Variants in COX7B2 observed in about 807,000 individuals in gnomAD.
COX7B2 encodes the protein cytochrome c oxidase subunit 7B2, mitochondrial.
For synonymous variants in COX7B2, 37 were observed against 32.1 expected (o/e 1.15, Z -0.51); for missense variants, 109 against 95.9 (o/e 1.14, Z -0.57).
intron 1 of COX7B2, among the ~76,000 whole-genome samples, chr4:46,878,020 T>TACACACACAC (rs58928264): frequency 6.8e-6 from 1 of 147,574 alleles, no homozygotes; most frequent in South Asian, 2.2e-4. Context: ...TTGTAGTGCA[T>TACACACACAC]ACACACACAC....
chr4:46,748,179 A>G (rs577171058), intron 2 of COX7B2, among the ~76,000 whole-genome samples: 4 of 152,340 alleles, frequency 2.6e-5, no homozygotes, highest in Admixed American at 2.6e-4. Context: ...ATCCAGGACC[A>G]GACTTAAGGT....
At chr4:46,884,925 A>T (rs1213962147) in intron 1 of COX7B2, among the ~76,000 whole-genome samples, 1 of 151,254 alleles carries the variant, frequency 6.6e-6, no homozygotes, top group Non-Finnish European at 1.5e-5. Context: ...TGGGGACTGT[A>T]ATATTTTTGT....
At chr4:46,748,504 A>G (rs974228829) in intron 2 of COX7B2, among the ~76,000 whole-genome samples, 6 of 152,160 alleles carry the variant, frequency 3.9e-5, no homozygotes, top group Non-Finnish European at 5.9e-5. Flanking sequence ...GGTTCAGACA[A>G]CTATTCAAAA....
intron 2 of COX7B2, among the ~76,000 whole-genome samples, chr4:46,762,250 T>C (rs1007671128): frequency 7.1e-6 from 1 of 141,554 alleles, no homozygotes; most frequent in Non-Finnish European, 1.5e-5. Flanking sequence ...ATATTATATA[T>C]TTAATATATA....
At chr4:46,743,804 A>G (rs1011197533) in intron 2 of COX7B2, among the ~76,000 whole-genome samples, 7 of 152,188 alleles carry the variant, frequency 4.6e-5, no homozygotes, top group African/African-American at 1.7e-4. Context: ...AGTGTTTTGC[A>G]GAACACAATT....
chr4:46,854,121 C>T (rs1577659848), intron 1 of COX7B2, among the ~76,000 whole-genome samples: 1 of 152,062 alleles, frequency 6.6e-6, no homozygotes, highest in East Asian at 1.9e-4. Flanking sequence ...TAATTAGTCA[C>T]TTGGAACAAA....
chr4:46,849,289 A>G (rs1167882670), intron 1 of COX7B2, among the ~76,000 whole-genome samples: 1 of 152,088 alleles, frequency 6.6e-6, no homozygotes, highest in Non-Finnish European at 1.5e-5. Flanking sequence ...TGCTTTGTTT[A>G]GTTTAGCAGT....
intron 1 of COX7B2, among the ~76,000 whole-genome samples, chr4:46,856,942 G>C (rs1426292574): frequency 6.6e-6 from 1 of 152,180 alleles, no homozygotes; most frequent in Non-Finnish European, 1.5e-5. Context: ...TTGGGCAATA[G>C]AGATAGAGTT....
chr4:46,871,567 A>C (rs1201686693), intron 1 of COX7B2, among the ~76,000 whole-genome samples: 1 of 152,180 alleles, frequency 6.6e-6, no homozygotes, highest in Non-Finnish European at 1.5e-5. Flanking sequence ...AATGGGAGAA[A>C]ATATTTGCAA....
intron 2 of COX7B2, among the ~76,000 whole-genome samples, chr4:46,837,478 A>G (rs1053587358): frequency 2.6e-5 from 4 of 152,080 alleles, no homozygotes; most frequent in African/African-American, 9.7e-5. Flanking sequence ...ATTCATAGTG[A>G]CTAAAAGCAC....
At chr4:46,771,530 A>AAAT (rs1250531486) in intron 2 of COX7B2, among the ~76,000 whole-genome samples, 2 of 152,076 alleles carry the variant, frequency 1.3e-5, no homozygotes, top group Non-Finnish European at 2.9e-5. Flanking sequence ...TTGGGACCAG[A>AAAT]GGTGTTACAG....
intron 2 of COX7B2, among the ~76,000 whole-genome samples, chr4:46,758,272 A>T (rs1474063635): frequency 1.0e-4 from 7 of 69,088 alleles, no homozygotes; most frequent in Non-Finnish European, 2.2e-4. Flanking sequence ...AATGAGGTAT[A>T]GAGCTAAACT....
intron 2 of COX7B2, among the ~76,000 whole-genome samples, chr4:46,814,901 GAGGGCC>G (rs1438335281): frequency 6.6e-6 from 1 of 152,098 alleles, no homozygotes; most frequent in Non-Finnish European, 1.5e-5. Flanking sequence ...AATGTCACTT[GAGGGCC>G]AGGCACGTTG....
At chr4:46,759,133 T>C (rs937839126) in intron 2 of COX7B2, among the ~76,000 whole-genome samples, 12 of 152,128 alleles carry the variant, frequency 7.9e-5, no homozygotes, top group Non-Finnish European at 1.5e-4. Context: ...TGGAAAGATA[T>C]ACTTCTATCC....
intron 1 of COX7B2, among the ~76,000 whole-genome samples, chr4:46,874,534 A>G (rs997141851): frequency 2.6e-5 from 4 of 152,220 alleles, no homozygotes; most frequent in African/African-American, 9.6e-5. Flanking sequence ...CAAAGAACAT[A>G]TGGACCATCA....
chr4:46,802,667 A>G (rs1718719846), intron 2 of COX7B2, among the ~76,000 whole-genome samples: 1 of 152,196 alleles, frequency 6.6e-6, no homozygotes, highest in African/African-American at 2.4e-5. Context: ...TCCAAAGGTT[A>G]GTCACAGGAA....
At chr4:46,888,115 T>G (rs1719191551) in intron 1 of COX7B2, among the ~76,000 whole-genome samples, 1 of 152,156 alleles carries the variant, frequency 6.6e-6, no homozygotes, top group African/African-American at 2.4e-5. Flanking sequence ...GTGTGTACTG[T>G]GCATTAGGAG....
chr4:46,831,150 CAGCCCCGGGCAGTGAAAGGCTT>C (rs1318298223), intron 2 of COX7B2, among the ~76,000 whole-genome samples: 79 of 152,298 alleles, frequency 5.2e-4, no homozygotes, highest in Admixed American at 4.7e-3. Flanking sequence ...GCCGGCCTGC[CAGCCCCGGGCAGTGAAAGGCTT>C]AGCCCCCAGG....
chr4:46,754,726 G>GTATATATATATATATATATACATA (rs1228184530), intron 2 of COX7B2, among the ~76,000 whole-genome samples: 3 of 46,126 alleles, frequency 6.5e-5, no homozygotes, highest in Non-Finnish European at 1.1e-4. Context: ...GTGTGTGTGT[G>GTATATATATATATATATATACATA]TGTATATATA....
Sources: gnomAD v4.1 joint callset for allele counts (sites outside exome capture counted in the v4.1 genomes callset) on GRCh38, gnomAD v4.1.1 for gene constraint, MANE v1.5 for transcripts, NCBI Gene and HGNC (gene_info 2026-07-23, HGNC 2026-07-21) for gene names.